CLCNKB: variants seen among roughly 807,000 people sequenced by gnomAD.
CLCNKB encodes the protein chloride channel protein ClC-Kb.
CLCNKB carries 74 observed loss-of-function variants against 83.8 expected under a neutral mutation model. That is an observed-to-expected ratio of 0.88 (90% confidence interval 0.73 to 1.07). CLCNKB has a LOEUF of 1.07. CLCNKB is among the 50% of genes least tolerant of loss of function. The pLI, the probability that CLCNKB is intolerant of heterozygous loss-of-function variation, is 0.00. For missense variants in CLCNKB, 798 were observed against 893.6 expected (o/e 0.89, Z 1.36); for synonymous variants, 358 against 356.6 (o/e 1.00, Z -0.04).
intron 10 of CLCNKB, 41 bp downstream of exon 10, chr1:16,049,957 C>A (rs753346510): frequency 1.6e-6 from 2 of 1,226,618 alleles, no homozygotes; most frequent in Admixed American, 2.5e-5. Context: ...TCAGCGAGCT[C>A]CCCCCTCACC....
At chr1:16,046,444 C>A (rs2023102083) in intron 3 of CLCNKB, 91 bp from the exon 4 acceptor site, 9 of 1,573,222 alleles carry the variant, frequency 5.7e-6, no homozygotes, top group Middle Eastern at 2.3e-4. Flanking sequence ...CTTCGTGACT[C>A]CATTTCCTGG....
intron 14 of CLCNKB, 57 bp from the exon 15 acceptor site, chr1:16,052,141 C>T (rs1159407568): frequency 1.2e-6 from 2 of 1,601,970 alleles, no homozygotes; most frequent in East Asian, 4.5e-5. Context: ...GCCAGCCTTG[C>T]CCTAACATGA....
Position 16,049,059 on chromosome 1 carries a change from G to A in CLCNKB, c.656-61G>A, listed in dbSNP as rs759136255. ...CAGGGAGGAGGTGACATGGGGAGGG[G>A]GTCCTACAGTCACAGGTGGGTGGGG... is the stretch of plus-strand genomic sequence containing the variant. On this transcript the variant is annotated intron_variant, in intron 7 of 19. Transcript: ENST00000375679. 14 of 1,613,106 alleles carry A rather than the reference G, an allele frequency of 8.7e-6. No homozygotes were observed. The South Asian group carries it at 1.4e-4, about 16-fold the overall frequency.
intron 4 of CLCNKB, 56 bp downstream of exon 4, chr1:16,046,719 G>C: frequency 6.2e-7 from 1 of 1,603,498 alleles, no homozygotes; most frequent in Non-Finnish European, 8.5e-7. Context: ...TCAGATCCCA[G>C]GGGGGAGTCG....
At chr1:16,046,749 CACAG>C (rs2023116032) in intron 4 of CLCNKB, 86 bp downstream of exon 4, 4 of 1,525,050 alleles carry the variant, frequency 2.6e-6, no homozygotes, top group South Asian at 1.1e-5. Flanking sequence ...AGCCTCATTT[CACAG>C]ACAAAGGCCC....
chr1:16,056,888 A>G lies in CLCNKB; in HGVS notation c.2036A>G (p.Asn679Ser), dbSNP rs2023463309. The G allele has an allele frequency of 3.2e-6, 5 of 1,566,726 alleles. No homozygotes were observed. The Admixed American group carries it at 5.3e-5, about 17-fold the overall frequency. The change falls in exon 20 of 20, where the codon AAC becomes AGC. Residue 679 changes from asparagine to serine, a missense_variant. Transcript: ENST00000375679. ...TTCTAGATGAAGAAAGCAATTTCCA[A>G]CCTGACAAATCCGCCAGCCCCAAAG... ...SWVEMKKAIS[N>S]LTNPPAPK is the part of the protein sequence containing the mutation.
rs1401818170 is a variant in CLCNKB, at chr1:16,046,453, G to C, written c.230-82G>C. On this transcript the variant is annotated intron_variant, in intron 3 of 19. Transcript: ENST00000375679. ...TCCCCTCTTCGTGACTCCATTTCCT[G>C]GTCAGTAAGTGGGCACCACAGCGTC... 2.6e-5 allele frequency: 42 copies of C among 1,588,106 alleles called. No individual in the cohort carries two copies. The Admixed American group carries it at 7.1e-4, about 27-fold the overall frequency.
In CLCNKB at chr1:16,051,801, AG is replaced by A. The variant is rs762878606; in HGVS notation, c.1395del (p.Tyr466MetfsTer13). 2 of 1,612,206 alleles carry A rather than the reference AG, an allele frequency of 1.2e-6. No individual in the cohort carries two copies. Among genetic ancestry groups the A allele is most frequent in the African/African-American group, 1.3e-5 (1 of 74,804 alleles). ...GAGGGATCACCAATCCCATCATGCC[AG>A]GGGGGTATGCTCTGGCAGGTGAGTG... ...AGGITNPIMP[G>X]GYALAGAAAF... On this transcript the variant is annotated frameshift_variant, in exon 14 of 20. Coordinates refer to ENST00000375679, the MANE Select transcript of CLCNKB (RefSeq NM_000085.5). LOFTEE classifies it high-confidence loss of function.
At position 16,055,366 on chromosome 1, in the gene CLCNKB, G is replaced by C. The variant is rs1267173526; in HGVS notation, c.1757-69G>C. 12 of 1,232,832 alleles carry C rather than the reference G, an allele frequency of 9.7e-6. No homozygotes were observed. In the Admixed American group the frequency reaches 1.7e-4, roughly 18 times the overall value. 76.4% of individuals were successfully genotyped at this position (1,232,832 alleles called of 1,614,324 possible). A position where few individuals can be genotyped will look rare whatever the true frequency, so the allele number is the denominator to read the frequency against. On this transcript the variant is annotated intron_variant, in intron 16 of 19. Coordinates refer to ENST00000375679, the MANE Select transcript of CLCNKB (RefSeq NM_000085.5). ...ACCAGAACAGTTCTTGGCTAAGTAG[G>C]TGCTAAGTAAATGTGAGTCCCTGTT...
chr1:16,053,545 C>T lies in CLCNKB; in HGVS notation c.1623-94C>T, dbSNP rs180676446. 4.2e-5 allele frequency: 67 copies of T among 1,582,538 alleles called. No individual in the cohort carries two copies. The African/African-American group carries it at 8.2e-4, about 19-fold the overall frequency. ...CTGCCCACACTCCAGAGCCGTGGGT[C>T]CCCGGTTCAAGCAAAGCTCCCCACA... is the stretch of plus-strand genomic sequence containing the variant. On this transcript the variant is annotated intron_variant, in intron 15 of 19. Coordinates refer to ENST00000375679, the MANE Select transcript of CLCNKB (RefSeq NM_000085.5).
chr1:16,046,398 G>A, intron 3 of CLCNKB, 137 bp from the exon 4 acceptor site: 3 of 1,179,694 alleles, frequency 2.5e-6, no homozygotes, highest in Non-Finnish European at 3.6e-6. Flanking sequence ...CTCTTCTTGG[G>A]GGTCTGCACC....
intron 14 of CLCNKB, 49 bp from the exon 15 acceptor site, chr1:16,052,149 T>C: frequency 6.2e-7 from 1 of 1,607,746 alleles, no homozygotes; most frequent in African/African-American, 1.3e-5. Context: ...TGCCCTAACA[T>C]GAGGCTGGCC....
At position 16,051,492 on chromosome 1, in the gene CLCNKB, T is replaced by C; in HGVS notation, c.1242T>C (p.Ile414=). ...FFLVMKFWML[I]LATTIPMPAG... is the part of the protein sequence containing the mutation. ...CACTCCCACAGTTCTGGATGCTGAT[T>C]CTGGCCACCACCATCCCCATGCCTG... The change falls in exon 13 of 20, where the codon ATT becomes ATC. Residue 414 remains isoleucine (I), a synonymous_variant. Coordinates refer to ENST00000375679, the MANE Select transcript of CLCNKB (RefSeq NM_000085.5). 1 of 1,614,136 alleles carries C rather than the reference T, an allele frequency of 6.2e-7. No homozygotes were observed. Among genetic ancestry groups the C allele is most frequent in the Non-Finnish European group, 8.5e-7 (1 of 1,180,002 alleles).
At chr1:16,045,414 C>A (rs1045288901) in intron 2 of CLCNKB, 144 bp from the exon 3 acceptor site, 7 of 932,426 alleles carry the variant, frequency 7.5e-6, no homozygotes, top group Non-Finnish European at 1.1e-5. Flanking sequence ...TGAGGCAGGG[C>A]CCCCTCGGGA....
intron 12 of CLCNKB, 93 bp downstream of exon 12, chr1:16,051,141 G>A (rs1294564434): frequency 6.3e-7 from 1 of 1,577,784 alleles, no homozygotes; most frequent in Non-Finnish European, 8.7e-7. Flanking sequence ...ATGGAGCCCA[G>A]GCCTTCCACC....
At chr1:16,049,287 C>T (rs1251782845) in intron 8 of CLCNKB, 42 bp downstream of exon 8, 1 of 1,609,560 alleles carries the variant, frequency 6.2e-7, no homozygotes, top group Admixed American at 1.7e-5. Flanking sequence ...TGCCTGGGGG[C>T]CGGGGCGAGG....
intron 1 of CLCNKB, 25 bp from the exon 2 acceptor site, chr1:16,044,461 T>C: frequency 1.3e-6 from 2 of 1,569,068 alleles, no homozygotes; most frequent in South Asian, 1.2e-5. Context: ...CTCACCGCGG[T>C]CCCTCCCTCT....
chr1:16,048,449 A>G, intron 6 of CLCNKB, 29 bp downstream of exon 6: 3 of 1,613,668 alleles, frequency 1.9e-6, no homozygotes, highest in Non-Finnish European at 2.5e-6. Context: ...TCCTTGGAGA[A>G]ATGGGAGTGG....
Position 16,052,409 on chromosome 1 carries a change from C to T in CLCNKB, c.1620C>T (p.Ile540=), listed in dbSNP as rs767549795. ...PYLPRILGRN[I]GSHRVRVEHF... ...TGCCACGGATTCTGGGCCGCAACATCGGGTGAGTGGTGCCCACCTCAGGCT... is the reference window on the plus strand; with the variant it reads ...TGCCACGGATTCTGGGCCGCAACATTGGGTGAGTGGTGCCCACCTCAGGCT... Residue 540 remains isoleucine, a splice_region_variant and synonymous_variant, in exon 15 of 20, where the codon ATC becomes ATT. Coordinates refer to ENST00000375679, the MANE Select transcript of CLCNKB (RefSeq NM_000085.5). 1.7e-5 allele frequency: 28 copies of T among 1,612,982 alleles called. No homozygotes were observed. The highest frequency in any genetic ancestry group is 1.6e-4 in the Middle Eastern group (1 of 6,078).
Sources: allele counts gnomAD v4.1 joint callset, GRCh38; gene constraint gnomAD v4.1.1; transcripts MANE v1.5; gene names NCBI Gene and HGNC (gene_info 2026-07-23, HGNC 2026-07-21).